The following METTL25 variants were observed in gnomAD, a reference collection of about 807,000 sequenced individuals.
METTL25 encodes the protein probable methyltransferase-like protein 25.
In METTL25, 64 loss-of-function variants were observed where a neutral mutation model predicts 71.6. The observed-to-expected ratio is 0.89, with a 90% confidence interval of 0.73 to 1.10. The LOEUF (loss-of-function observed/expected upper bound fraction) is 1.10. METTL25 is among the 50% of genes least tolerant of loss of function. The pLI is 0.00. For missense variants in METTL25, 807 were observed against 707.0 expected, an observed-to-expected ratio of 1.14 and a Z score of -1.60; for synonymous variants, 287 against 250.3, an observed-to-expected ratio of 1.15 and a Z score of -1.38.
chr12:82,478,873 G>A (rs996202946), intron 11 of METTL25, 59 bp from the exon 12 acceptor site: 69 of 1,282,046 alleles, frequency 5.4e-5, no homozygotes, highest in Middle Eastern at 3.7e-4. Context: ...AATCCAACTC[G>A]CGTCTAATTT....
In METTL25 at chr12:82,443,216, G is replaced by C. The variant is rs144208615; in HGVS notation, c.1478+4425G>C. Among the ~76,000 whole-genome samples the C allele has an allele frequency of 2.6e-3, 390 of 151,992 alleles. 2 individuals carry two copies. The highest frequency in any genetic ancestry group is 8.9e-3 in the African/African-American group (368 of 41,482). ...CACAAATCTTATGATGAAGTAAAAA[G>C]AAAAGTTCTAGACACGTAAGAGTAA... On this transcript the variant is annotated intron_variant, in intron 8 of 11. Transcript: ENST00000248306.
intron 1 of METTL25, among the ~76,000 whole-genome samples, chr12:82,379,599 A>G (rs543617482): frequency 1.3e-5 from 2 of 152,314 alleles, no homozygotes; most frequent in African/African-American, 4.8e-5. Context: ...TTGAAACTTT[A>G]TTCCAGGTAT....
intron 5 of METTL25, among the ~76,000 whole-genome samples, chr12:82,421,034 A>G (rs939955049): frequency 2.0e-5 from 3 of 151,932 alleles, no homozygotes; most frequent in African/African-American, 7.3e-5. Context: ...GCTAATTTTT[A>G]AATTTTTAGT....
At chr12:82,441,292 T>TCATA (rs1890306400) in intron 8 of METTL25, among the ~76,000 whole-genome samples, 1 of 148,542 alleles carries the variant, frequency 6.7e-6, no homozygotes, top group East Asian at 2.0e-4. Flanking sequence ...CACTAACATC[T>TCATA]TATATATATA....
At chr12:82,429,300 A>G (rs1416867593) in intron 5 of METTL25, among the ~76,000 whole-genome samples, 1 of 150,652 alleles carries the variant, frequency 6.6e-6, no homozygotes, top group East Asian at 2.0e-4. Flanking sequence ...AATGTGCAAT[A>G]TTTGCCTTTT....
rs143641444 is a variant in METTL25, at chr12:82,366,784, T to C, written c.259+7960T>C. On this transcript the variant is annotated intron_variant, in intron 1 of 11. Coordinates refer to ENST00000248306, the MANE Select transcript of METTL25 (RefSeq NM_032230.3). Reference sequence around the variant, plus strand: ...GTGTTCTGTTTTACTCTGCTGTATGTAACTTTTATTCATTCACTTTCCTTA... The same window carrying C: ...GTGTTCTGTTTTACTCTGCTGTATGCAACTTTTATTCATTCACTTTCCTTA... 2.5e-3 allele frequency among the ~76,000 whole-genome samples: 385 copies of C among 152,322 alleles called. 2 individuals are homozygous for C. The highest frequency in any genetic ancestry group is 8.7e-3 in the African/African-American group (363 of 41,584).
chr12:82,462,175 G>A (rs2731295), intron 9 of METTL25, among the ~76,000 whole-genome samples: 139,776 of 152,212 alleles, frequency 0.92, 64,575 homozygotes, highest in East Asian at 1. Context: ...TGTACCAGGC[G>A]ATGCTTCCAT....
rs530504330 is a variant in METTL25, at chr12:82,407,356, A to T, written c.1279+4226A>T. Among the ~76,000 whole-genome samples, 43 of 152,234 alleles carry T rather than the reference A, an allele frequency of 2.8e-4. No homozygotes were observed. The South Asian group carries it at 8.7e-3, about 31-fold the overall frequency. On this transcript the variant is annotated intron_variant, in intron 5 of 11. Transcript: ENST00000248306. ...CTGTTGTTCACTGTAGGTTTGCAGG[A>T]CATTTTGGCCACAGGATTTAAATAA...
intron 9 of METTL25, among the ~76,000 whole-genome samples, chr12:82,467,827 T>G (rs1892334052): frequency 6.6e-6 from 1 of 152,126 alleles, no homozygotes; most frequent in Non-Finnish European, 1.5e-5. Context: ...TGTTCATTTT[T>G]CTGCCAAGAC....
intron 4 of METTL25, among the ~76,000 whole-genome samples, chr12:82,401,071 G>A (rs951053014): frequency 1.3e-5 from 2 of 151,962 alleles, no homozygotes; most frequent in African/African-American, 4.8e-5. Context: ...ATCAAGAAAA[G>A]CAGAGTAGCT....
At chr12:82,365,670 AAAGC>A (rs1478489792) in intron 1 of METTL25, among the ~76,000 whole-genome samples, 3 of 152,238 alleles carry the variant, frequency 2.0e-5, no homozygotes, top group African/African-American at 7.2e-5. Flanking sequence ...ATTCTTCTGA[AAAGC>A]AAGAGGGGAG....
chr12:82,382,327 T>C (rs1273090762), intron 1 of METTL25, among the ~76,000 whole-genome samples: 1 of 152,160 alleles, frequency 6.6e-6, no homozygotes, highest in Non-Finnish European at 1.5e-5. Context: ...TTCCCAACCC[T>C]GTAACAACAA....
chr12:82,370,103 C>G (rs911273154), intron 1 of METTL25, among the ~76,000 whole-genome samples: 7 of 152,176 alleles, frequency 4.6e-5, no homozygotes, highest in Admixed American at 4.6e-4. Flanking sequence ...AGTGACTGCT[C>G]TAGCTAATTC....
intron 11 of METTL25, 142 bp from the exon 12 acceptor site, chr12:82,478,790 T>A (rs1381450226): frequency 1.6e-6 from 1 of 629,156 alleles, no homozygotes; most frequent in African/African-American, 1.8e-5. Flanking sequence ...TGAATGTTAA[T>A]TTTGTTTAAC....
In METTL25 at chr12:82,474,099, T is replaced by A. The variant is rs114369697; in HGVS notation, c.1573-2545T>A. ...GGGACAATGCAGCTGTGAGGGTTCC[T>A]GGAAGCCCTCCAAACTGGGCTCACC... On this transcript the variant is annotated intron_variant, in intron 9 of 11. Coordinates refer to ENST00000248306, the MANE Select transcript of METTL25 (RefSeq NM_032230.3). 7.1e-3 allele frequency among the ~76,000 whole-genome samples: 1,087 copies of A among 152,298 alleles called. 11 individuals are homozygous for A. The highest frequency in any genetic ancestry group is 0.025 in the African/African-American group (1,041 of 41,564).
At chr12:82,472,790 T>G (rs548315566) in intron 9 of METTL25, among the ~76,000 whole-genome samples, 1 of 152,298 alleles carries the variant, frequency 6.6e-6, no homozygotes, top group East Asian at 1.9e-4. Context: ...TATTTTTGAA[T>G]TATTTTCTCT....
At chr12:82,404,218 A>C (rs1886884984) in intron 5 of METTL25, among the ~76,000 whole-genome samples, 2 of 152,102 alleles carry the variant, frequency 1.3e-5, no homozygotes, top group African/African-American at 4.8e-5. Flanking sequence ...GTATAGAGAT[A>C]GAATGAAAGA....
chr12:82,416,877 A>T (rs924961986), intron 5 of METTL25, among the ~76,000 whole-genome samples: 3 of 152,290 alleles, frequency 2.0e-5, no homozygotes, highest in Admixed American at 2.0e-4. Flanking sequence ...CGTAGGCAAT[A>T]TTTTGAATAT....
chr12:82,393,771 C>A (rs976153496), intron 3 of METTL25, among the ~76,000 whole-genome samples: 2 of 151,302 alleles, frequency 1.3e-5, no homozygotes, highest in African/African-American at 4.9e-5. Flanking sequence ...TATTTCTTTT[C>A]CTCTATTAAT....
Sources: gnomAD v4.1 joint callset for allele counts (sites outside exome capture counted in the v4.1 genomes callset) on GRCh38, gnomAD v4.1.1 for gene constraint, MANE v1.5 for transcripts, NCBI Gene and HGNC (gene_info 2026-07-23, HGNC 2026-07-21) for gene names.